The following DNAJC2 variants were observed in gnomAD, a reference collection of about 807,000 sequenced individuals.
The protein encoded by DNAJC2 is dnaJ homolog subfamily C member 2.
Under a neutral mutation model 94.0 loss-of-function variants are expected in DNAJC2, and 32 were observed. That is an observed-to-expected ratio of 0.34 (90% CI 0.26 to 0.46). The LOEUF is 0.46. DNAJC2 is among the 20% of genes least tolerant of loss of function. The probability of loss-of-function intolerance (pLI) is 1.00; values close to 1 mark genes in which losing one functional copy is unlikely to be tolerated. For missense variants in DNAJC2, 550 were observed against 719.5 expected (o/e 0.76, Z 2.69); for synonymous variants, 210 against 229.7 (o/e 0.91, Z 0.77).
chr7:103,321,061 G>C (rs897694391), intron 10 of DNAJC2, among the ~76,000 whole-genome samples: 8 of 151,278 alleles, frequency 5.3e-5, no homozygotes, highest in Non-Finnish European at 1.2e-4. Flanking sequence ...AGCTGGGTGT[G>C]GTGGTATGCA....
At chr7:103,342,635 G>A (rs1819421548) in intron 1 of DNAJC2, among the ~76,000 whole-genome samples, 1 of 142,600 alleles carries the variant, frequency 7.0e-6, no homozygotes. Context: ...TTGGGACGGA[G>A]TCTTGCTCTG....
intron 6 of DNAJC2, among the ~76,000 whole-genome samples, chr7:103,324,087 T>C (rs1563463495): frequency 6.6e-6 from 1 of 152,238 alleles, no homozygotes; most frequent in Admixed American, 6.5e-5. Flanking sequence ...TTGTATTTAC[T>C]AGACATTTGA....
chr7:103,327,283 CGA>C, intron 4 of DNAJC2: 1 of 1,006,592 alleles, frequency 9.9e-7, no homozygotes, highest in Non-Finnish European at 1.3e-6. Flanking sequence ...GCATCTGAAA[CGA>C]AAAAAAAAAA....
At chr7:103,334,961 G>A (rs1819111689) in intron 3 of DNAJC2, among the ~76,000 whole-genome samples, 8 of 152,108 alleles carry the variant, frequency 5.3e-5, no homozygotes, top group Admixed American at 5.2e-4. Context: ...AGCCGCCCAA[G>A]TAGCTGGGAT....
chr7:103,315,910 A>G (rs1245364777), intron 14 of DNAJC2, 39 bp from the exon 15 acceptor site: 2 of 1,551,316 alleles, frequency 1.3e-6, no homozygotes, highest in Non-Finnish European at 1.8e-6. Context: ...ACAGATCATC[A>G]TTTAATCTTT....
chr7:103,339,746 C>G (rs1329045657), intron 2 of DNAJC2, among the ~76,000 whole-genome samples: 2 of 152,104 alleles, frequency 1.3e-5, no homozygotes, highest in Non-Finnish European at 2.9e-5. Flanking sequence ...GGATTATAAG[C>G]ATGTGCCACC....
rs1389796662 is a variant in DNAJC2 at position 103,315,878 on chromosome 7, A to C, written c.1529-7T>G. ...TCATCTTTTTGATGAGGGTCTGAGAAATGAAAAAAATTTAATACTTAACAG... is the reference window on the plus strand; with the variant it reads ...TCATCTTTTTGATGAGGGTCTGAGACATGAAAAAAATTTAATACTTAACAG... On this transcript the variant is annotated splice_region_variant and splice_polypyrimidine_tract_variant and intron_variant, in intron 14 of 16. Coordinates refer to ENST00000379263, the MANE Select transcript of DNAJC2 (RefSeq NM_014377.3). 6.3e-7 allele frequency: 1 copy of C among 1,598,492 alleles called. No homozygotes were observed. Among genetic ancestry groups the C allele is most frequent in the Non-Finnish European group, 8.6e-7 (1 of 1,168,666 alleles).
At chr7:103,315,724 C>T in intron 15 of DNAJC2, 40 bp downstream of exon 15, 2 of 1,367,612 alleles carry the variant, frequency 1.5e-6, no homozygotes, top group Non-Finnish European at 2.1e-6. Context: ...AGCACAGATA[C>T]ATGGCTAGCA....
At chr7:103,323,513 A>AAAATTTACGTGAC (rs1285895938) in intron 7 of DNAJC2, 85 bp downstream of exon 7, 20 of 1,301,076 alleles carry the variant, frequency 1.5e-5, no homozygotes, top group Non-Finnish European at 2.0e-5. Flanking sequence ...AATATGAAAG[A>AAAATTTACGTGAC]AAATTTACGT....
rs553051905 is a variant in DNAJC2 at position 103,312,386 on chromosome 7, T to C, written c.*183A>G. On this transcript the variant is annotated 3_prime_UTR_variant, in exon 17 of 17. Coordinates refer to ENST00000379263, the MANE Select transcript of DNAJC2 (RefSeq NM_014377.3). ...TTTGAATTAAATACTGTATCATACT[T>C]TCAAAGGATAAAAAGACTACCCCTC... 7 of 1,529,694 alleles carry C rather than the reference T, an allele frequency of 4.6e-6. No individual in the cohort carries two copies. The African/African-American group carries it at 8.4e-5, about 18-fold the overall frequency. The allele number at this position is 1,529,694 out of a possible 1,614,324, so 94.8% of individuals were successfully genotyped here.
chr7:103,341,289 T>C (rs1253354910), intron 2 of DNAJC2, among the ~76,000 whole-genome samples: 1 of 152,156 alleles, frequency 6.6e-6, no homozygotes, highest in African/African-American at 2.4e-5. Context: ...TATCTTACTG[T>C]CCCAAAAATA....
At chr7:103,324,839 T>TG (rs1818617680) in intron 5 of DNAJC2, 1 of 199,856 alleles carries the variant, frequency 5.0e-6, no homozygotes, top group Admixed American at 6.0e-5. Flanking sequence ...TAAAATACAA[T>TG]GCCATAGCAG....
Position 103,316,964 on chromosome 7 carries a change from AGCCT to A in DNAJC2, c.1289_1292del (p.Glu430ValfsTer32). ...TGTTCTTAGATGCTTGTCGCATACGAGCCTCAGCTTCCTCTTTCTCTTTTCTGAT... is the reference window on the plus strand; with the variant it reads ...TGTTCTTAGATGCTTGTCGCATACGACAGCTTCCTCTTTCTCTTTTCTGAT... On this transcript the variant is annotated frameshift_variant, in exon 13 of 17. Transcript: ENST00000379263. LOFTEE classifies it high-confidence loss of function. The A allele has an allele frequency of 6.2e-7, 1 of 1,613,920 alleles. No individual in the cohort carries two copies.
intron 9 of DNAJC2, 66 bp from the exon 10 acceptor site, chr7:103,322,147 T>A (rs1003149273): frequency 1.3e-5 from 16 of 1,202,734 alleles, no homozygotes; most frequent in Non-Finnish European, 1.8e-5. Context: ...TTTATAATTT[T>A]AAAAATTTAA....
At chr7:103,318,569 A>G (rs1662825361) in intron 12 of DNAJC2, among the ~76,000 whole-genome samples, 1 of 152,090 alleles carries the variant, frequency 6.6e-6, no homozygotes, top group African/African-American at 2.4e-5. Context: ...GGTTCTTCTC[A>G]GGTTCTTCTC....
chr7:103,338,842 G>A lies in DNAJC2; in HGVS notation c.256-1031C>T, dbSNP rs183107669. 4.0e-3 allele frequency among the ~76,000 whole-genome samples: 613 copies of A among 152,048 alleles called. 14 individuals carry two copies. Among genetic ancestry groups the A allele is most frequent in the Admixed American group, 0.027 (409 of 15,276 alleles). ...AGATAATTGCTTGAACCTGGGAGGC[G>A]GAGGTTGCAGTGGGCCAAGACTGCG... On this transcript the variant is annotated intron_variant, in intron 2 of 16. Coordinates refer to ENST00000379263, the MANE Select transcript of DNAJC2 (RefSeq NM_014377.3).
At chr7:103,315,958 A>G in intron 14 of DNAJC2, 30 bp downstream of exon 14, 3 of 1,564,360 alleles carry the variant, frequency 1.9e-6, no homozygotes, top group Non-Finnish European at 1.7e-6. Context: ...ATAGGTGTTT[A>G]AAGTAACAAA....
At chr7:103,331,382 T>C (rs894681161) in intron 3 of DNAJC2, among the ~76,000 whole-genome samples, 1 of 152,272 alleles carries the variant, frequency 6.6e-6, no homozygotes, top group African/African-American at 2.4e-5. Flanking sequence ...TTCTGTCTTC[T>C]AGCTATTTTG....
At chr7:103,316,657 C>G (rs767859664) in intron 13 of DNAJC2, 173 bp downstream of exon 13, 7 of 608,258 alleles carry the variant, frequency 1.2e-5, no homozygotes, top group South Asian at 2.0e-5. Context: ...TGTACTGATG[C>G]AATGGGTAAG....
Sources: gnomAD v4.1 joint callset for allele counts (sites outside exome capture counted in the v4.1 genomes callset) on GRCh38, gnomAD v4.1.1 for gene constraint, MANE v1.5 for transcripts, NCBI Gene and HGNC (gene_info 2026-07-23, HGNC 2026-07-21) for gene names.